The following NXF1 variants were observed in gnomAD, a reference collection of about 807,000 sequenced individuals.
NXF1 encodes the protein nuclear RNA export factor 1, also known as mRNA export factor TAP.
Under a neutral mutation model 92.4 loss-of-function variants are expected in NXF1, and 43 were observed. The observed-to-expected ratio is 0.47, with a 90% CI of 0.36 to 0.60. The LOEUF is 0.60. Ranked by LOEUF, NXF1 falls within the 20% of genes least tolerant of loss-of-function variation. NXF1 has a pLI of 0.00. For missense variants in NXF1, 576 were observed against 793.0 expected, an observed-to-expected ratio of 0.73 and a Z score of 3.29; for synonymous variants, 288 against 292.2, an observed-to-expected ratio of 0.99 and a Z score of 0.15.
chr11:62,792,668 T>C lies in NXF1; in HGVS notation c.1794A>G (p.Arg598=). Residue 598 remains arginine, a synonymous_variant, in exon 20 of 21, where the codon AGA becomes AGG. Coordinates refer to ENST00000294172, the MANE Select transcript of NXF1 (RefSeq NM_006362.5). ...TGAGATGAGTGAAGGCCTGGGCAGATCTGGTGTAGTCCCAGTTGTTGTCCT... is the reference window on the plus strand; with the variant it reads ...TGAGATGAGTGAAGGCCTGGGCAGACCTGGTGTAGTCCCAGTTGTTGTCCT... The part of the protein sequence containing the change: ...CLQDNNWDYT[R]SAQAFTHLKA... 1.2e-6 allele frequency: 2 copies of C among 1,614,222 alleles called. No individual in the cohort carries two copies. The highest frequency in any genetic ancestry group is 8.5e-7 in the Non-Finnish European group (1 of 1,180,038).
At chr11:62,802,383 A>G in intron 3 of NXF1, 123 bp from the exon 4 acceptor site, 1 of 714,672 alleles carries the variant, frequency 1.4e-6, no homozygotes, top group Non-Finnish European at 2.4e-6. Flanking sequence ...GACCAGTACT[A>G]GGTTTTCTAC....
chr11:62,798,143 A>G (rs79134972), intron 11 of NXF1, among the ~76,000 whole-genome samples: 3 of 144,968 alleles, frequency 2.1e-5, no homozygotes, highest in Non-Finnish European at 4.5e-5. Context: ...AAAAAAAAAA[A>G]GGGCCTGGTG....
Position 62,801,635 on chromosome 11 carries a change from G to A in NXF1, c.640-4C>T. The A allele has an allele frequency of 6.2e-7, 1 of 1,602,948 alleles. No individual in the cohort carries two copies. Among genetic ancestry groups the A allele is most frequent in the Non-Finnish European group, 8.5e-7 (1 of 1,173,016 alleles). ...CGTATCGTTTGCTCATGATCAGCTA[G>A]AGGAAAAAGAAGGGTTTAGTGGTCA... On this transcript the variant is annotated splice_polypyrimidine_tract_variant and splice_region_variant and intron_variant, in intron 6 of 20. Transcript: ENST00000294172.
intron 10 of NXF1, chr11:62,799,515 C>G: frequency 1.0e-6 from 1 of 985,842 alleles, no homozygotes; most frequent in Non-Finnish European, 1.2e-6. Flanking sequence ...CTGATGGCCC[C>G]TCTGCGACTG....
intron 9 of NXF1, 105 bp from the exon 10 acceptor site, chr11:62,800,591 T>C (rs1262809635): frequency 1.5e-6 from 1 of 686,240 alleles, no homozygotes; most frequent in East Asian, 2.9e-5. Context: ...TTTTCTAATC[T>C]TTTAAAATTT....
chr11:62,802,373 G>A (rs1209398508), intron 3 of NXF1, 113 bp from the exon 4 acceptor site: 17 of 793,118 alleles, frequency 2.1e-5, no homozygotes, highest in South Asian at 6.5e-5. Flanking sequence ...CTAAAGAAAG[G>A]ACCAGTACTA....
chr11:62,793,085 T>C (rs1432292728), intron 19 of NXF1, among the ~76,000 whole-genome samples: 1 of 124,536 alleles, frequency 8.0e-6, no homozygotes, highest in East Asian at 2.6e-4. Context: ...CTGTTTGCTT[T>C]TTTTTTTTTT....
intron 19 of NXF1, among the ~76,000 whole-genome samples, chr11:62,793,470 G>A (rs900904875): frequency 2.0e-5 from 3 of 152,162 alleles, no homozygotes; most frequent in Non-Finnish European, 2.9e-5. Context: ...GCAGCACTTT[G>A]GGAGGCCTAG....
chr11:62,803,341 T>A (rs1262160082), intron 3 of NXF1, 78 bp downstream of exon 3: 1 of 1,197,200 alleles, frequency 8.4e-7, no homozygotes, highest in Non-Finnish European at 1.2e-6. Context: ...ATAATTTTTG[T>A]GGAATAAAAT....
At chr11:62,796,929 C>G (rs2084426936) in intron 13 of NXF1, 1 of 561,720 alleles carries the variant, frequency 1.8e-6, no homozygotes, top group South Asian at 2.1e-5. Context: ...TAGCCAGGTG[C>G]AGTGGCACAC....
In NXF1 at chr11:62,801,169, C is replaced by G; in HGVS notation, c.831G>C (p.Leu277=). The G allele has an allele frequency of 6.2e-7, 1 of 1,614,186 alleles. No individual in the cohort carries two copies. The highest frequency in any genetic ancestry group is 8.5e-7 in the Non-Finnish European group (1 of 1,180,014). ...TGCTAGACATGTCATCCAGCCTGTA[C>G]AGCCTGTTGTTGCTCAAGTTCAAGG... is the stretch of plus-strand genomic sequence containing the variant. ...LLSLNLSNNR[L]YRLDDMSSIV... is the part of the protein sequence containing the mutation. The change falls in exon 9 of 21, where the codon CTG becomes CTC. Residue 277 remains leucine, a synonymous_variant. Transcript: ENST00000294172.
intron 8 of NXF1, 46 bp downstream of exon 8, chr11:62,801,283 A>C (rs1418918055): frequency 6.2e-7 from 1 of 1,608,722 alleles, no homozygotes; most frequent in Admixed American, 1.7e-5. Context: ...CTTCCTATCT[A>C]ACACACCCTG....
rs542941141 is a variant in NXF1, at chr11:62,795,301, C to T, written c.1505-294G>A. ...GACCATCCTGTCCAACATGGCGAAA[C>T]CCCTTCTCTACTAAAAATACAAAAA... is the stretch of plus-strand genomic sequence containing the variant. On this transcript the variant is annotated intron_variant, in intron 17 of 20. Transcript: ENST00000294172. The T allele has an allele frequency of 2.5e-5, 7 of 280,496 alleles. No individual in the cohort carries two copies. In the East Asian group the frequency reaches 4.6e-4, roughly 19 times the overall value. The allele number at this position is 280,496 out of a possible 1,614,324, so 17.4% of individuals were successfully genotyped here. A position where few individuals can be genotyped will look rare whatever the true frequency, so the allele number is the denominator to read the frequency against.
In NXF1 at chr11:62,796,095, A is replaced by G. The variant is rs753491308; in HGVS notation, c.1432T>C (p.Ser478Pro). ...ELPKTQHDVNSFVVDISAQTS... is the reference protein window; with the variant it reads ...ELPKTQHDVNPFVVDISAQTS... Reference sequence around the variant, plus strand: ...TGGGCGCTTATGTCTACCACGAAGGAATTGACGTCGTGCTGGGTTTTGGGC... The same window carrying G: ...TGGGCGCTTATGTCTACCACGAAGGGATTGACGTCGTGCTGGGTTTTGGGC... Residue 478 changes from serine to proline, a missense_variant, in exon 16 of 21, where the codon TCC (serine) becomes CCC (proline). Physicochemically the swap from Ser to Pro is moderately conservative, Grantham distance 74 (BLOSUM62 -1). Coordinates refer to ENST00000294172, the MANE Select transcript of NXF1 (RefSeq NM_006362.5). 1 of 1,612,936 alleles carries G rather than the reference A, an allele frequency of 6.2e-7. No individual in the cohort carries two copies.
chr11:62,805,307 C>G, intron 1 of NXF1, 22 bp downstream of exon 1: 1 of 1,599,870 alleles, frequency 6.3e-7, no homozygotes, highest in Non-Finnish European at 8.5e-7. Context: ...AGCCAGTTCC[C>G]GACCCGAAGA....
At chr11:62,799,126 G>A (rs1442156664) in intron 10 of NXF1, 3 of 982,396 alleles carry the variant, frequency 3.1e-6, no homozygotes, top group Non-Finnish European at 3.6e-6. Flanking sequence ...AGGGGCAAGG[G>A]AGAGATGGGG....
chr11:62,798,427 C>T (rs543014586), intron 11 of NXF1, 112 bp downstream of exon 11: 126 of 1,435,976 alleles, frequency 8.8e-5, no homozygotes, highest in Non-Finnish European at 1.1e-4. Flanking sequence ...AGTGAAACTC[C>T]GTCTCAAATA....
intron 2 of NXF1, 82 bp from the exon 3 acceptor site, chr11:62,803,654 C>A: frequency 6.4e-7 from 1 of 1,566,676 alleles, no homozygotes; most frequent in South Asian, 1.1e-5. Context: ...AGTGGGACTA[C>A]AACTAAGACT....
At chr11:62,798,165 C>T (rs181132531) in intron 11 of NXF1, among the ~76,000 whole-genome samples, 33 of 150,264 alleles carry the variant, frequency 2.2e-4, no homozygotes, top group Non-Finnish European at 3.7e-4. Flanking sequence ...GAGTGGCTCA[C>T]GTCTGTAATC....
Sources: allele counts gnomAD v4.1 joint callset (sites outside exome capture counted in the v4.1 genomes callset), GRCh38; gene constraint gnomAD v4.1.1; transcripts MANE v1.5; gene names NCBI Gene and HGNC (gene_info 2026-07-23, HGNC 2026-07-21).